NPEPL1: variants seen among roughly 807,000 people sequenced by gnomAD.
The protein encoded by NPEPL1 is probable aminopeptidase NPEPL1.
In NPEPL1, 45 loss-of-function variants were observed where a neutral mutation model predicts 52.4. That is an observed-to-expected ratio of 0.86 (90% CI 0.68 to 1.10). NPEPL1 has a LOEUF of 1.10. NPEPL1 is among the 50% of genes least tolerant of loss of function. NPEPL1 has a pLI of 0.00. For missense variants in NPEPL1, 696 were observed against 710.9 expected (o/e 0.98, Z 0.24); for synonymous variants, 360 against 314.7 (o/e 1.14, Z -1.52).
At chr20:58,691,537 A>C, upstream of NPEPL1, 1 of 656,570 alleles carries the variant, frequency 1.5e-6, no homozygotes. Context: ...CTGAGCAGAC[A>C]GACCTGGAGC....
At chr20:58,714,957 C>T (rs6070558) in intron 11 of NPEPL1, 66,189 of 637,628 alleles carry the variant, frequency 0.1, 3,799 homozygotes, top group South Asian at 0.15. Context: ...CACACAGGGC[C>T]TTGCCCCCTG....
At chr20:58,711,045 G>A (rs1024591703) in intron 7 of NPEPL1, 4 of 140,886 alleles carry the variant, frequency 2.8e-5, no homozygotes, top group Non-Finnish European at 6.1e-5. Context: ...GCATCCATTT[G>A]GGAATCCTCC....
chr20:58,693,535 G>T (rs1601090286), intron 1 of NPEPL1: 2 of 512,426 alleles, frequency 3.9e-6, no homozygotes, highest in South Asian at 3.1e-5. Flanking sequence ...CATCCCACCA[G>T]GGGGATGCGA....
chr20:58,693,480 G>A, intron 1 of NPEPL1: 1 of 419,922 alleles, frequency 2.4e-6, no homozygotes. Flanking sequence ...CCGAGTGTTG[G>A]AAGCAAAGCA....
chr20:58,694,342 G>A (rs1601092285), intron 2 of NPEPL1, 80 bp from the exon 3 acceptor site: 17 of 1,409,596 alleles, frequency 1.2e-5, no homozygotes, highest in East Asian at 1.2e-4. Flanking sequence ...CTGATGTTCC[G>A]GAGGCGTTCA....
intron 3 of NPEPL1, among the ~76,000 whole-genome samples, chr20:58,695,027 G>GCATGAA: frequency 1.2e-3 from 2 of 1,688 alleles, no homozygotes; most frequent in Non-Finnish European, 1.2e-3. Context: ...GTGTGTGTGT[G>GCATGAA]TGGTATGTGT....
intron 6 of NPEPL1, among the ~76,000 whole-genome samples, chr20:58,706,386 T>C (rs1350103924): frequency 6.6e-6 from 1 of 152,150 alleles, no homozygotes; most frequent in Non-Finnish European, 1.5e-5. Flanking sequence ...CTCACCATCA[T>C]TCAAGGTTGT....
In NPEPL1 at chr20:58,693,777, C is replaced by G. The variant is rs375369639; in HGVS notation, c.191C>G (p.Thr64Arg). 1.5e-5 allele frequency: 25 copies of G among 1,613,134 alleles called. No homozygotes were observed. The highest frequency in any genetic ancestry group is 1.7e-5 in the Non-Finnish European group (20 of 1,179,322). The change falls in exon 2 of 12, where the codon ACG becomes AGG. Residue 64 changes from threonine to arginine, a missense_variant. Physicochemically the swap from Thr to Arg is moderately conservative, Grantham distance 71 (BLOSUM62 -1). Coordinates refer to ENST00000356091, the MANE Select transcript of NPEPL1 (RefSeq NM_024663.4). ...CTGAGCACGCTCAACCCCAACCCCA[C>G]GGACAGCTGTCCCCTCTACCTGAAC... is the stretch of plus-strand genomic sequence containing the variant. Reference protein sequence around the residue: ...AALSTLNPNPTDSCPLYLNYA... With the variant: ...AALSTLNPNPRDSCPLYLNYA...
rs755583515 is a variant in NPEPL1 at position 58,693,902 on chromosome 20, G to A, written c.316G>A (p.Gly106Arg). ...TRLVRTCLPP[G>R]AHRCIVMVCE... ...GCTGGTGCGGACCTGCCTGCCGCCCGGAGCGCATCGCTGCATTGTGGTGAG... is the reference window on the plus strand; with the variant it reads ...GCTGGTGCGGACCTGCCTGCCGCCCAGAGCGCATCGCTGCATTGTGGTGAG... Residue 106 changes from glycine (G) to arginine (R), a missense_variant, in exon 2 of 12, where the codon GGA (glycine) becomes AGA (arginine). By Grantham distance (125) the Gly-to-Arg change is moderately radical (BLOSUM62 -2). Coordinates refer to ENST00000356091, the MANE Select transcript of NPEPL1 (RefSeq NM_024663.4). 11 of 1,607,318 alleles carry A rather than the reference G, an allele frequency of 6.8e-6. No homozygotes were observed. In the South Asian group the frequency reaches 7.7e-5, roughly 11 times the overall value.
At chr20:58,705,146 C>T (rs1000970167) in intron 6 of NPEPL1, among the ~76,000 whole-genome samples, 2 of 152,180 alleles carry the variant, frequency 1.3e-5, no homozygotes, top group African/African-American at 4.8e-5. Context: ...ATACCATTGG[C>T]AATAAATAAT....
chr20:58,714,716 TG>T, intron 11 of NPEPL1, 46 bp downstream of exon 11: 1 of 1,436,962 alleles, frequency 7.0e-7, no homozygotes, highest in Non-Finnish European at 9.5e-7. Context: ...CCCGCCCGCT[TG>T]TCCAAACAGC....
chr20:58,691,409 T>C (rs1365367710), upstream of NPEPL1: 2 of 469,458 alleles, frequency 4.3e-6, no homozygotes, highest in African/African-American at 5.4e-5. Flanking sequence ...TTTGAGTGCC[T>C]GCTCTGTGCC....
At chr20:58,702,367 C>T (rs550490903) in intron 6 of NPEPL1, among the ~76,000 whole-genome samples, 1 of 152,310 alleles carries the variant, frequency 6.6e-6, no homozygotes, top group East Asian at 1.9e-4. Context: ...GACACTGAGC[C>T]CTAGTGTCAG....
chr20:58,689,831 A>G (rs2084318196), upstream of NPEPL1, among the ~76,000 whole-genome samples: 1 of 152,044 alleles, frequency 6.6e-6, no homozygotes, highest in Non-Finnish European at 1.5e-5. Flanking sequence ...AAACACACAC[A>G]CACACACACA....
At chr20:58,694,003 C>T in intron 2 of NPEPL1, 81 bp downstream of exon 2, 6 of 1,355,752 alleles carry the variant, frequency 4.4e-6, no homozygotes, top group Non-Finnish European at 6.0e-6. Flanking sequence ...CACAGCCCTG[C>T]TCAGACTGCA....
chr20:58,699,583 A>G (rs1440884891), intron 5 of NPEPL1, among the ~76,000 whole-genome samples: 2 of 152,246 alleles, frequency 1.3e-5, no homozygotes, highest in Non-Finnish European at 2.9e-5. Context: ...GGACTGGCTC[A>G]GCAGGGCCTT....
rs912355633 is a variant in NPEPL1, at chr20:58,707,273, C to T, written c.900+73C>T. Reference sequence around the variant, plus strand: ...CGTGGGTGCTCCCCTCTCCCCTGTCCGTCCCGCCACAGGCCCCACCAGGGT... The same window carrying T: ...CGTGGGTGCTCCCCTCTCCCCTGTCTGTCCCGCCACAGGCCCCACCAGGGT... On this transcript the variant is annotated intron_variant, in intron 7 of 11. Transcript: ENST00000356091. The T allele has an allele frequency of 9.8e-5, 129 of 1,322,140 alleles. 1 individual carries two copies. The Admixed American group carries it at 1.4e-3, about 14-fold the overall frequency. 81.9% of individuals were successfully genotyped at this position (1,322,140 alleles called of 1,614,324 possible).
intron 6 of NPEPL1, chr20:58,705,575 T>A: frequency 2.2e-6 from 1 of 455,876 alleles, no homozygotes; most frequent in Non-Finnish European, 4.4e-6. Flanking sequence ...GGGGTGTAAG[T>A]GTCAGCCCCG....
chr20:58,709,158 G>T (rs998114075), intron 7 of NPEPL1, among the ~76,000 whole-genome samples: 7 of 151,890 alleles, frequency 4.6e-5, no homozygotes, highest in Non-Finnish European at 7.4e-5. Flanking sequence ...GATTTGAGGG[G>T]TGCTGAGGAC....
Sources: allele counts gnomAD v4.1 joint callset (sites outside exome capture counted in the v4.1 genomes callset), GRCh38; gene constraint gnomAD v4.1.1; transcripts MANE v1.5; gene names NCBI Gene and HGNC (gene_info 2026-07-23, HGNC 2026-07-21).